The following DCP2 variants were observed in gnomAD, a reference collection of about 807,000 sequenced individuals.
The protein encoded by DCP2 is decapping mRNA 2, also known as m7GpppN-mRNA hydrolase.
DCP2 carries 30 observed loss-of-function variants against 56.1 expected under a neutral mutation model. That is an observed-to-expected ratio of 0.53 (90% CI 0.40 to 0.73). The LOEUF (loss-of-function observed/expected upper bound fraction) is 0.73, where lower values mean the gene tolerates loss of function less well. DCP2 is among the 30% of genes least tolerant of loss of function. The pLI is 0.00. For missense variants in DCP2, 533 were observed against 502.7 expected (o/e 1.06, Z -0.58); for synonymous variants, 197 against 163.3 (o/e 1.21, Z -1.57).
intron 1 of DCP2, among the ~76,000 whole-genome samples, chr5:112,979,304 T>G (rs1201727271): frequency 6.6e-6 from 1 of 152,196 alleles, no homozygotes; most frequent in Non-Finnish European, 1.5e-5. Flanking sequence ...GATTTTAAAA[T>G]AAATGCCATT....
chr5:113,006,965 C>A (rs976583013), intron 8 of DCP2, among the ~76,000 whole-genome samples: 1 of 151,992 alleles, frequency 6.6e-6, no homozygotes, highest in Non-Finnish European at 1.5e-5. Flanking sequence ...AAAACCTTCA[C>A]CGTCCCTATT....
intron 2 of DCP2, among the ~76,000 whole-genome samples, chr5:112,989,664 A>C (rs941865941): frequency 5.3e-5 from 8 of 152,204 alleles, no homozygotes; most frequent in African/African-American, 1.9e-4. Flanking sequence ...GAGATGGCCA[A>C]AGAACATGAC....
At position 113,017,676 on chromosome 5, in the gene DCP2, T is replaced by G. The variant is rs1340498812; in HGVS notation, c.*4192T>G. Reference sequence around the variant, plus strand: ...TTATTGTTATAGAATCAAAGTGTCCTGAAGGGAGAAGAATAGCTATAGTTG... The same window carrying G: ...TTATTGTTATAGAATCAAAGTGTCCGGAAGGGAGAAGAATAGCTATAGTTG... On this transcript the variant is annotated 3_prime_UTR_variant, in exon 11 of 11. Transcript: ENST00000389063. 1 of 152,182 alleles carries G rather than the reference T, an allele frequency of 6.6e-6. No individual in the cohort carries two copies. Among genetic ancestry groups the G allele is most frequent in the East Asian group, 1.9e-4 (1 of 5,206 alleles). 9.4% of individuals were successfully genotyped at this position (152,182 alleles called of 1,614,324 possible).
chr5:113,010,882 G>T (rs1426028137), intron 10 of DCP2, 75 bp downstream of exon 10: 2 of 1,443,900 alleles, frequency 1.4e-6, no homozygotes, highest in African/African-American at 2.9e-5. Flanking sequence ...TGATTTTAGT[G>T]GGAGTATGTG....
rs1453016915 is a variant in DCP2, at chr5:113,001,630, C to T, written c.762C>T (p.Ser254=). The part of the protein sequence containing the change: ...GDSSDSDNGF[S]STGSTPAKPT... ...CCTCAGACAGTGACAATGGATTTTC[C>T]TCAACTGGTAGCACGCCGGCTAAAC... Residue 254 remains serine (S), a synonymous_variant, in exon 7 of 11, where the codon TCC becomes TCT. Transcript: ENST00000389063. 1 of 1,614,150 alleles carries T rather than the reference C, an allele frequency of 6.2e-7. No homozygotes were observed. Among genetic ancestry groups the T allele is most frequent in the Non-Finnish European group, 8.5e-7 (1 of 1,180,016 alleles).
chr5:113,008,736 T>G (rs1749550680), intron 9 of DCP2, among the ~76,000 whole-genome samples: 1 of 152,228 alleles, frequency 6.6e-6, no homozygotes. Flanking sequence ...CTTTATTATT[T>G]CTCTTCTGTC....
At chr5:112,989,651 T>C (rs923252012) in intron 2 of DCP2, among the ~76,000 whole-genome samples, 3 of 152,298 alleles carry the variant, frequency 2.0e-5, no homozygotes, top group South Asian at 4.2e-4. Flanking sequence ...GAAAAAACTT[T>C]CGGAGATGGC....
At chr5:112,979,085 G>C (rs1747871923) in intron 1 of DCP2, among the ~76,000 whole-genome samples, 1 of 152,082 alleles carries the variant, frequency 6.6e-6, no homozygotes, top group South Asian at 2.1e-4. Context: ...AATATGTTAA[G>C]CACCTGTCAA....
intron 10 of DCP2, among the ~76,000 whole-genome samples, chr5:113,013,089 A>C (rs1749745305): frequency 6.6e-6 from 1 of 152,220 alleles, no homozygotes; most frequent in Non-Finnish European, 1.5e-5. Flanking sequence ...CAAGGGTCTT[A>C]ATGGCTGAGA....
intron 7 of DCP2, among the ~76,000 whole-genome samples, chr5:113,001,980 C>T (rs1749200948): frequency 6.6e-6 from 1 of 152,150 alleles, no homozygotes; most frequent in South Asian, 2.1e-4. Context: ...TGTTACTTCT[C>T]TGTTGTCATA....
chr5:112,993,305 C>G (rs1336610959), intron 4 of DCP2, among the ~76,000 whole-genome samples: 2 of 152,132 alleles, frequency 1.3e-5, no homozygotes, highest in East Asian at 1.9e-4. Context: ...TATTTTCTCT[C>G]TCTTGAACTT....
chr5:113,007,550 G>A (rs1312811026), intron 8 of DCP2, among the ~76,000 whole-genome samples: 1 of 152,084 alleles, frequency 6.6e-6, no homozygotes, highest in Non-Finnish European at 1.5e-5. Context: ...ATAGGCGTGT[G>A]CCACCATGCC....
At chr5:113,007,890 A>G (rs1197525243) in intron 8 of DCP2, 48 bp from the exon 9 acceptor site, 2 of 1,519,698 alleles carry the variant, frequency 1.3e-6, no homozygotes, top group Non-Finnish European at 1.8e-6. Context: ...TTTTTGTGCT[A>G]TTACATTATG....
chr5:113,003,759 C>T (rs1404970001), intron 7 of DCP2, among the ~76,000 whole-genome samples, 183 bp from the exon 8 acceptor site: 3 of 152,128 alleles, frequency 2.0e-5, no homozygotes, highest in African/African-American at 4.8e-5. Context: ...ACCAGGCACT[C>T]ATCTGGGTGA....
In DCP2 at chr5:113,016,026, T is replaced by C. The variant is rs1749870986; in HGVS notation, c.*2542T>C. 6.5e-6 allele frequency: 1 copy of C among 152,680 alleles called. No homozygotes were observed. Among genetic ancestry groups the C allele is most frequent in the Admixed American group, 6.5e-5 (1 of 15,284 alleles). 9.5% of individuals were successfully genotyped at this position (152,680 alleles called of 1,614,324 possible). A position where few individuals can be genotyped will look rare whatever the true frequency, so the allele number is the denominator to read the frequency against. On this transcript the variant is annotated 3_prime_UTR_variant, in exon 11 of 11. Transcript: ENST00000389063. The stretch of plus-strand genomic sequence containing the variant: ...GAGATACAGGTCTTGGAATTCACTT[T>C]TTAAATGTTACGTTCCAACCTTATA...
Position 113,013,430 on chromosome 5 carries a change from C to T in DCP2, c.1209C>T (p.Ala403=), listed in dbSNP as rs1383684407. 2 of 1,613,974 alleles carry T rather than the reference C, an allele frequency of 1.2e-6. No individual in the cohort carries two copies. Among genetic ancestry groups the T allele is most frequent in the Non-Finnish European group, 1.7e-6 (2 of 1,179,984 alleles). The change falls in exon 11 of 11, where the codon GCC becomes GCT. Residue 403 remains alanine, a synonymous_variant. Coordinates refer to ENST00000389063, the MANE Select transcript of DCP2 (RefSeq NM_152624.6). ...GCAAGTTCCCCTTTTCATCCAGAGC[C>T]TTTTTGAGTTTCAAGTTTGACCATA... The part of the protein sequence containing the change: ...GHCKFPFSSR[A]FLSFKFDHNA...
At chr5:113,005,141 T>TGTGGGG (rs1178464728) in intron 8 of DCP2, among the ~76,000 whole-genome samples, 2 of 95,006 alleles carry the variant, frequency 2.1e-5, no homozygotes, top group African/African-American at 8.1e-5. Flanking sequence ...AAAAAAAAAG[T>TGTGGGG]GTGCGTGTGG....
intron 9 of DCP2, among the ~76,000 whole-genome samples, chr5:113,010,206 T>G (rs7444601): frequency 7.2e-6 from 1 of 138,952 alleles, no homozygotes; most frequent in Non-Finnish European, 1.6e-5. Flanking sequence ...CTAATTCTTG[T>G]ATTTTTTTTT....
intron 4 of DCP2, 53 bp downstream of exon 4, chr5:112,992,823 T>C (rs1308453007): frequency 7.1e-7 from 1 of 1,408,212 alleles, no homozygotes; most frequent in Non-Finnish European, 9.5e-7. Flanking sequence ...GGTCTGAATG[T>C]ATTTTTTTTA....
Sources: gnomAD v4.1 joint callset for allele counts (sites outside exome capture counted in the v4.1 genomes callset) on GRCh38, gnomAD v4.1.1 for gene constraint, MANE v1.5 for transcripts, NCBI Gene and HGNC (gene_info 2026-07-23, HGNC 2026-07-21) for gene names.